The following KCNH7 variants were observed in gnomAD, a reference collection of about 807,000 sequenced individuals.
KCNH7 encodes the protein voltage-gated inwardly rectifying potassium channel KCNH7.
In KCNH7, 49 loss-of-function variants were observed where a neutral mutation model predicts 120.8. That is an observed-to-expected ratio of 0.41 (90% CI 0.32 to 0.51). The LOEUF (loss-of-function observed/expected upper bound fraction) is 0.51, where lower values mean the gene tolerates loss of function less well. Ranked by LOEUF, KCNH7 falls within the 20% of genes least tolerant of loss-of-function variation. KCNH7 has a pLI of 0.38. For synonymous variants in KCNH7, 547 were observed against 516.1 expected (o/e 1.06, Z -0.81); for missense variants, 1,097 against 1,446.6 (o/e 0.76, Z 3.92).
intron 2 of KCNH7, among the ~76,000 whole-genome samples, chr2:162,734,599 G>A (rs940135261): frequency 3.3e-5 from 5 of 152,010 alleles, no homozygotes; most frequent in Non-Finnish European, 2.9e-5. Context: ...AGATAGTGTG[G>A]CACTCCTTGC....
At chr2:162,666,266 G>A (rs1052163956) in intron 2 of KCNH7, among the ~76,000 whole-genome samples, 1 of 152,002 alleles carries the variant, frequency 6.6e-6, no homozygotes, top group South Asian at 2.1e-4. Context: ...TTCCAACAGC[G>A]CTAGAAGCTC....
chr2:162,802,098 G>A (rs1684371535), intron 2 of KCNH7, among the ~76,000 whole-genome samples: 1 of 151,752 alleles, frequency 6.6e-6, no homozygotes, highest in Admixed American at 6.6e-5. Flanking sequence ...TAGGTCTTGT[G>A]TGAGGTTGGA....
At chr2:162,559,054 CAAAAAAAA>C (rs780823559) in intron 2 of KCNH7, among the ~76,000 whole-genome samples, 11 of 37,180 alleles carry the variant, frequency 3.0e-4, no homozygotes, top group Non-Finnish European at 6.2e-4. Flanking sequence ...GACTCTGCCT[CAAAAAAAA>C]AAAAAAAAAA....
At chr2:162,455,786 C>A (rs1277171783) in intron 6 of KCNH7, among the ~76,000 whole-genome samples, 1 of 151,942 alleles carries the variant, frequency 6.6e-6, no homozygotes, top group Non-Finnish European at 1.5e-5. Flanking sequence ...TGGTGACATC[C>A]CCTTTATCAT....
intron 6 of KCNH7, among the ~76,000 whole-genome samples, chr2:162,492,891 TTG>T (rs1690365446): frequency 8.8e-6 from 1 of 114,090 alleles, no homozygotes; most frequent in Non-Finnish European, 1.8e-5. Flanking sequence ...TTTTTTTTTT[TTG>T]GAAAAGGTTT....
intron 2 of KCNH7, among the ~76,000 whole-genome samples, chr2:162,719,251 G>C (rs1246806457): frequency 6.6e-6 from 1 of 151,984 alleles, no homozygotes; most frequent in Admixed American, 6.6e-5. Context: ...TGTATACAGT[G>C]AATATCTATA....
In KCNH7 at chr2:162,603,314, A is replaced by T. The variant is rs561430994; in HGVS notation, c.308-66234T>A. On this transcript the variant is annotated intron_variant, in intron 2 of 15. Coordinates refer to ENST00000332142, the MANE Select transcript of KCNH7 (RefSeq NM_033272.4). ...ATGGTGGTTTTTATAATTTATTTTT[A>T]ATTTAAAAAATCTGTTTTCTGTGAG... is the stretch of plus-strand genomic sequence containing the variant. Among the ~76,000 whole-genome samples, 301 of 152,158 alleles carry T rather than the reference A, an allele frequency of 2.0e-3. 2 individuals carry two copies. The highest frequency in any genetic ancestry group is 6.9e-3 in the African/African-American group (285 of 41,544).
At chr2:162,496,485 C>A (rs184835690) in intron 6 of KCNH7, among the ~76,000 whole-genome samples, 3 of 152,058 alleles carry the variant, frequency 2.0e-5, no homozygotes, top group African/African-American at 7.2e-5. Context: ...TATATAGAAG[C>A]CTTTGTATTC....
intron 2 of KCNH7, among the ~76,000 whole-genome samples, chr2:162,785,670 A>G (rs1683673165): frequency 6.6e-6 from 1 of 152,052 alleles, no homozygotes; most frequent in East Asian, 1.9e-4. Context: ...CTATTACTCC[A>G]TATCAGGCTG....
chr2:162,574,395 T>G (rs1037724383), intron 2 of KCNH7, among the ~76,000 whole-genome samples: 1 of 151,648 alleles, frequency 6.6e-6, no homozygotes, highest in Non-Finnish European at 1.5e-5. Flanking sequence ...TTTTCTCTTC[T>G]TTGTAAAAAA....
intron 2 of KCNH7, among the ~76,000 whole-genome samples, chr2:162,662,491 T>A (rs552666671): frequency 2.6e-5 from 4 of 152,234 alleles, no homozygotes; most frequent in Non-Finnish European, 5.9e-5. Flanking sequence ...TCAATTTATA[T>A]GATCTATGTA....
At chr2:162,403,317 C>CA (rs764999608) in intron 9 of KCNH7, among the ~76,000 whole-genome samples, 4 of 152,054 alleles carry the variant, frequency 2.6e-5, no homozygotes, top group African/African-American at 4.8e-5. Context: ...ATCATTGCAT[C>CA]ACCGCTTTAA....
At chr2:162,744,426 T>C (rs1249049885) in intron 2 of KCNH7, among the ~76,000 whole-genome samples, 2 of 152,172 alleles carry the variant, frequency 1.3e-5, no homozygotes, top group African/African-American at 4.8e-5. Context: ...TTAAATGCAC[T>C]GTAATTAAGT....
chr2:162,473,873 C>T (rs7568578), intron 6 of KCNH7, among the ~76,000 whole-genome samples: 2,531 of 152,242 alleles, frequency 0.017, 198 homozygotes, highest in Admixed American at 0.15. Flanking sequence ...TGTAGGAAAA[C>T]TTAACTCTCT....
intron 3 of KCNH7, among the ~76,000 whole-genome samples, chr2:162,533,925 C>T (rs999610220): frequency 1.3e-5 from 2 of 150,970 alleles, no homozygotes; most frequent in East Asian, 1.9e-4. Flanking sequence ...TAATAAACCA[C>T]GGGCAAATTT....
chr2:162,726,733 T>A (rs1687540390), intron 2 of KCNH7, among the ~76,000 whole-genome samples: 1 of 152,234 alleles, frequency 6.6e-6, no homozygotes, highest in Admixed American at 6.5e-5. Context: ...TATTCTTTTT[T>A]AATGGTCAAA....
chr2:162,720,778 G>A (rs549636643), intron 2 of KCNH7, among the ~76,000 whole-genome samples: 3 of 152,144 alleles, frequency 2.0e-5, no homozygotes, highest in South Asian at 4.1e-4. Context: ...ATTGTGGTAG[G>A]TGTAGAAACC....
At chr2:162,717,628 G>A (rs981360521) in intron 2 of KCNH7, among the ~76,000 whole-genome samples, 2 of 151,986 alleles carry the variant, frequency 1.3e-5, no homozygotes, top group African/African-American at 2.4e-5. Flanking sequence ...TTAAGTTGGC[G>A]TTCCTTAACA....
rs749501500 is a variant in KCNH7, at chr2:162,394,352, T to C, written c.2710+37A>G. 4 of 1,142,548 alleles carry C rather than the reference T, an allele frequency of 3.5e-6. No individual in the cohort carries two copies. The South Asian group carries it at 4.9e-5, about 14-fold the overall frequency. 70.8% of individuals were successfully genotyped at this position (1,142,548 alleles called of 1,614,324 possible). ...TTAAGTAAGAAGGCTAATTACCACA[T>C]GCTCTACATTTAAACTTTAGGAATG... On this transcript the variant is annotated intron_variant, in intron 12 of 15. Transcript: ENST00000332142.
Sources: gnomAD v4.1 joint callset for allele counts (sites outside exome capture counted in the v4.1 genomes callset) on GRCh38, gnomAD v4.1.1 for gene constraint, MANE v1.5 for transcripts, NCBI Gene and HGNC (gene_info 2026-07-23, HGNC 2026-07-21) for gene names.